TOM1L1: variants seen among roughly 807,000 people sequenced by gnomAD.
The protein encoded by TOM1L1 is target of myb1 like 1 membrane trafficking protein.
A neutral mutation model predicts 63.4 loss-of-function variants in TOM1L1; 64 were observed. The ratio of observed to expected loss-of-function variants is 1.01; its 90% confidence interval spans 0.83 to 1.24. The LOEUF is 1.24. Among genes scored for constraint, TOM1L1 ranks in the 50% most tolerant of loss-of-function variants. TOM1L1 has a pLI of 0.00. For synonymous variants in TOM1L1, 166 were observed against 194.4 expected (o/e 0.85, Z 1.22); for missense variants, 536 against 567.0 (o/e 0.95, Z 0.55).
chr17:54,955,991 G>A (rs994089424), intron 14 of TOM1L1, among the ~76,000 whole-genome samples: 1 of 152,162 alleles, frequency 6.6e-6, no homozygotes, highest in Non-Finnish European at 1.5e-5. Flanking sequence ...GCCCACGCAT[G>A]CTTCCACATC....
At chr17:54,933,756 C>T (rs1032609999) in intron 8 of TOM1L1, among the ~76,000 whole-genome samples, 7 of 152,118 alleles carry the variant, frequency 4.6e-5, no homozygotes, top group Non-Finnish European at 7.4e-5. Flanking sequence ...CTCTTGACCT[C>T]GTGATCCACC....
Position 54,943,479 on chromosome 17 carries a change from T to TGTGTGTGA in TOM1L1, c.1131-3781_1131-3780insTGTGTGAG, listed in dbSNP as rs748237003. On this transcript the variant is annotated intron_variant, in intron 11 of 15. Transcript: ENST00000575882. Reference sequence around the variant, plus strand: ...GTGTGTGTGTGTGTGTGTGTGTGTGTGAAATAAAGTTGCTTGGTAAATAAT... The same window carrying TGTGTGTGA: ...GTGTGTGTGTGTGTGTGTGTGTGTGTGTGTGTGAGAAATAAAGTTGCTTGGTAAATAAT... Among the ~76,000 whole-genome samples the TGTGTGTGA allele has an allele frequency of 2.5e-3, 373 of 150,320 alleles. 5 individuals are homozygous for TGTGTGTGA. Among genetic ancestry groups the TGTGTGTGA allele is most frequent in the African/African-American group, 9.0e-3 (366 of 40,868 alleles).
chr17:54,956,796 C>T (rs538412945), intron 14 of TOM1L1: 2 of 152,208 alleles, frequency 1.3e-5, no homozygotes, highest in African/African-American at 2.4e-5. Flanking sequence ...AATAAAGCAC[C>T]GGGCATAGTC....
In TOM1L1 at chr17:54,930,222, AC is replaced by A. The variant is rs1381674653; in HGVS notation, c.854+19del. On this transcript the variant is annotated intron_variant, in intron 8 of 15. Coordinates refer to ENST00000575882, the MANE Select transcript of TOM1L1 (RefSeq NM_005486.3). ...GATATGAGAGGTGAGCAGATCATGT[AC>A]CCTCTTTACCCCTCTTCCATTTCTA... is the stretch of plus-strand genomic sequence containing the variant. 9 of 1,613,686 alleles carry A rather than the reference AC, an allele frequency of 5.6e-6. No homozygotes were observed. The highest frequency in any genetic ancestry group is 1.7e-4 in the Middle Eastern group (1 of 6,060).
intron 8 of TOM1L1, among the ~76,000 whole-genome samples, chr17:54,933,174 C>T (rs1329997775): frequency 5.9e-5 from 9 of 152,332 alleles, no homozygotes; most frequent in Non-Finnish European, 1.5e-5. Context: ...ATCTTCCTAG[C>T]TTTTGCAACA....
chr17:54,952,733 A>G (rs1470399203), intron 14 of TOM1L1: 1 of 151,930 alleles, frequency 6.6e-6, no homozygotes, highest in African/African-American at 2.4e-5. Context: ...AATGCTATAC[A>G]ATTATCTAGT....
chr17:54,928,287 G>T (rs1053553829), intron 7 of TOM1L1, among the ~76,000 whole-genome samples: 1 of 151,922 alleles, frequency 6.6e-6, no homozygotes, highest in Admixed American at 6.6e-5. Context: ...GACACTGTGG[G>T]GTTTCAATGG....
intron 4 of TOM1L1, 39 bp downstream of exon 4, chr17:54,912,854 A>C: frequency 6.8e-7 from 1 of 1,479,578 alleles, no homozygotes. Context: ...GTAAATTTCT[A>C]AGATTAGGGA....
intron 10 of TOM1L1, chr17:54,937,805 T>C (rs1479809912): frequency 7.1e-6 from 1 of 141,532 alleles, no homozygotes; most frequent in Non-Finnish European, 1.6e-5. Flanking sequence ...AACTAATGTT[T>C]ATAAAATGCA....
chr17:54,911,827 CCTCAATTT>C (rs2048502043), intron 3 of TOM1L1, among the ~76,000 whole-genome samples: 1 of 152,172 alleles, frequency 6.6e-6, no homozygotes, highest in South Asian at 2.1e-4. Context: ...TTAACCTTTT[CCTCAATTT>C]CAGGGTACAG....
chr17:54,915,803 G>C lies in TOM1L1; in HGVS notation c.661G>C (p.Ala221Pro), dbSNP rs775884635. Residue 221 changes from alanine to proline, a missense_variant, in exon 7 of 16, where the codon GCC (alanine) becomes CCC (proline). Coordinates refer to ENST00000575882, the MANE Select transcript of TOM1L1 (RefSeq NM_005486.3). ...MVKMNVRVMS[A>P]ILMENTPGSE... is the part of the protein sequence containing the mutation. ...GAAAATGAATGTGCGAGTGATGTCCGCCATATTGATGGAGAATACTCCTGG... is the reference window on the plus strand; with the variant it reads ...GAAAATGAATGTGCGAGTGATGTCCCCCATATTGATGGAGAATACTCCTGG... 2 of 1,613,424 alleles carry C rather than the reference G, an allele frequency of 1.2e-6. No homozygotes were observed. Among genetic ancestry groups the C allele is most frequent in the Admixed American group, 3.3e-5 (2 of 59,906 alleles).
intron 9 of TOM1L1, 108 bp from the exon 10 acceptor site, chr17:54,937,000 TC>T: frequency 1.1e-6 from 1 of 936,622 alleles, no homozygotes; most frequent in Admixed American, 2.1e-5. Context: ...GGAGAATTCT[TC>T]CTTAAAATGC....
intron 3 of TOM1L1, 127 bp downstream of exon 3, chr17:54,905,694 C>A (rs985335830): frequency 1.5e-5 from 9 of 612,160 alleles, no homozygotes; most frequent in Non-Finnish European, 2.6e-5. Context: ...GAGTTGTGTA[C>A]AGTATGACTT....
At chr17:54,920,746 G>A (rs911135822) in intron 7 of TOM1L1, among the ~76,000 whole-genome samples, 8 of 152,084 alleles carry the variant, frequency 5.3e-5, no homozygotes, top group Non-Finnish European at 1.0e-4. Flanking sequence ...GGCTGTCAAG[G>A]CCAGAAAAAA....
intron 9 of TOM1L1, 45 bp from the exon 10 acceptor site, chr17:54,937,064 T>G: frequency 6.8e-7 from 1 of 1,480,266 alleles, no homozygotes; most frequent in African/African-American, 1.4e-5. Flanking sequence ...GAGAAAGCTG[T>G]GATAAACTAC....
chr17:54,907,483 G>A (rs376542585), intron 3 of TOM1L1, among the ~76,000 whole-genome samples: 32 of 152,082 alleles, frequency 2.1e-4, no homozygotes, highest in African/African-American at 7.5e-4. Context: ...TTCTAAGAAC[G>A]AATCAAGCCT....
Position 54,947,303 on chromosome 17 carries a change from A to T in TOM1L1, c.1173A>T (p.Ala391=). Residue 391 remains alanine, a synonymous_variant, in exon 12 of 16, where the codon GCA becomes GCT. Coordinates refer to ENST00000575882, the MANE Select transcript of TOM1L1 (RefSeq NM_005486.3). ...RTSQNLTSSH[A]YDNFLEHSNS... is the part of the protein sequence containing the mutation. ...GCCAAAACCTCACCTCAAGCCACGC[A>T]TATGATAATGTAAGTAACAAAACTC... 1 of 1,614,196 alleles carries T rather than the reference A, an allele frequency of 6.2e-7. No individual in the cohort carries two copies.
chr17:54,910,245 T>C (rs948553240), intron 3 of TOM1L1, among the ~76,000 whole-genome samples: 10 of 152,230 alleles, frequency 6.6e-5, no homozygotes, highest in African/African-American at 2.4e-4. Flanking sequence ...CACTTGAGGC[T>C]AGGAGTTTGA....
chr17:54,917,617 TGGACTC>T (rs2048612829), intron 7 of TOM1L1, among the ~76,000 whole-genome samples: 1 of 152,202 alleles, frequency 6.6e-6, no homozygotes, highest in African/African-American at 2.4e-5. Flanking sequence ...GTTTGTTCTG[TGGACTC>T]TCCTTTGCAA....
Sources: gnomAD v4.1 joint callset for allele counts (sites outside exome capture counted in the v4.1 genomes callset) on GRCh38, gnomAD v4.1.1 for gene constraint, MANE v1.5 for transcripts, NCBI Gene and HGNC (gene_info 2026-07-23, HGNC 2026-07-21) for gene names.